The following HDAC2 variants were observed in gnomAD, a reference collection of about 807,000 sequenced individuals.
HDAC2 encodes histone deacetylase 2.
HDAC2 carries 5 observed loss-of-function variants against 68.5 expected under a neutral mutation model. The observed-to-expected ratio is 0.07, with a 90% CI of 0.04 to 0.15. The LOEUF (loss-of-function observed/expected upper bound fraction) is 0.15. Ranked by LOEUF, HDAC2 falls within the 10% of genes least tolerant of loss-of-function variation. HDAC2 has a pLI of 1.00. For missense variants in HDAC2, 291 were observed against 600.8 expected (o/e 0.48, Z 5.39); for synonymous variants, 182 against 191.3 (o/e 0.95, Z 0.40).
chr6:113,946,448 A>T (rs1176070967), intron 8 of HDAC2: 1 of 179,744 alleles, frequency 5.6e-6, no homozygotes, highest in Non-Finnish European at 1.2e-5. Flanking sequence ...TTTTATTAAC[A>T]CAGAAAGATG....
intron 3 of HDAC2, 90 bp downstream of exon 3, chr6:113,958,559 G>A (rs1158768616): frequency 1.5e-6 from 1 of 683,534 alleles, no homozygotes; most frequent in Non-Finnish European, 2.5e-6. Context: ...AGACCAACAG[G>A]AAAAATATTC....
intron 8 of HDAC2, chr6:113,947,146 TA>T (rs1376296746): frequency 6.6e-6 from 1 of 152,174 alleles, no homozygotes; most frequent in African/African-American, 2.4e-5. Context: ...ACCATTTGGA[TA>T]TTTTTAAAGA....
Position 113,944,336 on chromosome 6 carries a change from G to A in HDAC2, c.1166C>T (p.Ala389Val), listed in dbSNP as rs1473868929. The A allele has an allele frequency of 1.2e-6, 2 of 1,612,254 alleles. No individual in the cohort carries two copies. The highest frequency in any genetic ancestry group is 2.7e-5 in the African/African-American group (2 of 74,868). ...GVQMQAIPED[A>V]VHEDSGDEDG... ...TTCATCTCCACTGTCTTCATGAACAGCATCTTCTGGAATAGCTTGCATCTG... is the reference window on the plus strand; with the variant it reads ...TTCATCTCCACTGTCTTCATGAACAACATCTTCTGGAATAGCTTGCATCTG... The change falls in exon 11 of 14, where the codon GCT becomes GTT. Residue 389 changes from alanine to valine, a missense_variant. By Grantham distance (64) the Ala-to-Val change is moderately conservative. This residue lies in a region of HDAC2 where 137 missense variants were observed against 128.7 expected (regional missense o/e 1.06). Coordinates refer to ENST00000519065, the MANE Select transcript of HDAC2 (RefSeq NM_001527.4).
chr6:113,951,332 G>C (rs1188714589), intron 6 of HDAC2, among the ~76,000 whole-genome samples: 1 of 152,130 alleles, frequency 6.6e-6, no homozygotes, highest in Non-Finnish European at 1.5e-5. Flanking sequence ...AACATCCAAA[G>C]ATACACGTGA....
At chr6:113,962,944 A>G (rs909951095) in intron 1 of HDAC2, among the ~76,000 whole-genome samples, 3 of 147,998 alleles carry the variant, frequency 2.0e-5, no homozygotes, top group Non-Finnish European at 3.0e-5. Flanking sequence ...AGCCTGGGTG[A>G]CAGAGCGAGA....
chr6:113,970,415 A>G, intron 1 of HDAC2: 1 of 1,003,374 alleles, frequency 1.0e-6, no homozygotes. Flanking sequence ...CAAGGCCGGG[A>G]TAGAAATTTT....
chr6:113,945,412 A>G lies in HDAC2; in HGVS notation c.1041T>C (p.Ser347=). Residue 347 remains serine, a synonymous_variant, in exon 10 of 14, where the codon AGT becomes AGC. Transcript: ENST00000519065. ...YFGPDFKLHI[S]PSNMTNQNTP... is the part of the protein sequence containing the mutation. ...TGTTCTGGTTTGTCATGTTTGAAGG[A>G]CTAATATGCAGTTTGAAGTCTGGTC... 6.4e-7 allele frequency: 1 copy of G among 1,567,558 alleles called. No individual in the cohort carries two copies. The highest frequency in any genetic ancestry group is 1.7e-5 in the Admixed American group (1 of 59,902).
At chr6:113,957,866 C>T (rs1323961116) in intron 3 of HDAC2, among the ~76,000 whole-genome samples, 1 of 151,800 alleles carries the variant, frequency 6.6e-6, no homozygotes, top group African/African-American at 2.4e-5. Flanking sequence ...AAGGGCTACT[C>T]ATGCCTCTTT....
At chr6:113,952,455 G>A (rs1176923403) in intron 6 of HDAC2, among the ~76,000 whole-genome samples, 2 of 152,136 alleles carry the variant, frequency 1.3e-5, no homozygotes, top group African/African-American at 2.4e-5. Flanking sequence ...ATACTTTATG[G>A]CAACTCTTTA....
At chr6:113,944,572 A>C (rs1776225306) in intron 10 of HDAC2, among the ~76,000 whole-genome samples, 162 bp from the exon 11 acceptor site, 1 of 152,162 alleles carries the variant, frequency 6.6e-6, no homozygotes, top group African/African-American at 2.4e-5. Flanking sequence ...TGGCAAGATC[A>C]TAGCTCACTG....
In HDAC2 at chr6:113,936,198, A is replaced by G. The variant is rs1312750703; in HGVS notation, c.*4860T>C. ...GTTTTTAATCCAATATTGCATTCAA[A>G]AAGAATCTGTTAATACATGTTGCTC... On this transcript the variant is annotated 3_prime_UTR_variant, in exon 14 of 14. Coordinates refer to ENST00000519065, the MANE Select transcript of HDAC2 (RefSeq NM_001527.4). The G allele has an allele frequency of 2.0e-5, 3 of 152,198 alleles. No homozygotes were observed. The highest frequency in any genetic ancestry group is 7.2e-5 in the African/African-American group (3 of 41,458). 9.4% of individuals were successfully genotyped at this position (152,198 alleles called of 1,614,324 possible).
rs1775946870 is a variant in HDAC2 at position 113,934,028 on chromosome 6, A to C, written c.*7030T>G. On this transcript the variant is annotated 3_prime_UTR_variant, in exon 14 of 14. Transcript: ENST00000519065. Reference sequence around the variant, plus strand: ...ACAATCAACTGACTTAAAACTTTAAAAAACTGAATTTCTACGGGTAAATGT... The same window carrying C: ...ACAATCAACTGACTTAAAACTTTAACAAACTGAATTTCTACGGGTAAATGT... The C allele has an allele frequency of 6.6e-6, 1 of 152,130 alleles. No homozygotes were observed. Among genetic ancestry groups the C allele is most frequent in the African/African-American group, 2.4e-5 (1 of 41,426 alleles). 9.4% of individuals were successfully genotyped at this position (152,130 alleles called of 1,614,324 possible). A position where few individuals can be genotyped will look rare whatever the true frequency, so the allele number is the denominator to read the frequency against.
rs1220749211 is a variant in HDAC2 at position 113,956,158 on chromosome 6, A to G, written c.359-7T>C. On this transcript the variant is annotated splice_polypyrimidine_tract_variant and splice_region_variant and intron_variant, in intron 4 of 13. Transcript: ENST00000519065. ...TTTAACTTCACAGCTCCAGCTAAGA[A>G]GTAGAAACAAGATAGACCTTTTAAA... 1 of 1,594,716 alleles carries G rather than the reference A, an allele frequency of 6.3e-7. No homozygotes were observed. Among genetic ancestry groups the G allele is most frequent in the South Asian group, 1.1e-5 (1 of 86,958 alleles).
chr6:113,971,107 T>A lies in HDAC2; in HGVS notation c.-199A>T. On this transcript the variant is annotated 5_prime_UTR_variant, in exon 1 of 14. Coordinates refer to ENST00000519065, the MANE Select transcript of HDAC2 (RefSeq NM_001527.4). ...ACCACCCGGCAGAGGTGCCGAAAGCTCGGAATCGGAGGTGGCAGCGGCACC... is the reference window on the plus strand; with the variant it reads ...ACCACCCGGCAGAGGTGCCGAAAGCACGGAATCGGAGGTGGCAGCGGCACC... 1 of 1,540,684 alleles carries A rather than the reference T, an allele frequency of 6.5e-7. No homozygotes were observed. Among genetic ancestry groups the A allele is most frequent in the South Asian group, 1.2e-5 (1 of 83,970 alleles).
intron 1 of HDAC2, among the ~76,000 whole-genome samples, chr6:113,967,853 G>C (rs916273178): frequency 2.0e-5 from 3 of 152,168 alleles, no homozygotes; most frequent in Admixed American, 2.0e-4. Flanking sequence ...TATAAAGAAG[G>C]AACATGATTC....
chr6:113,935,183 C>A lies in HDAC2; in HGVS notation c.*5875G>T, dbSNP rs191602. 6.6e-6 allele frequency: 1 copy of A among 152,150 alleles called. No individual in the cohort carries two copies. Among genetic ancestry groups the A allele is most frequent in the African/African-American group, 2.4e-5 (1 of 41,438 alleles). 9.4% of individuals were successfully genotyped at this position (152,150 alleles called of 1,614,324 possible). On this transcript the variant is annotated 3_prime_UTR_variant, in exon 14 of 14. Coordinates refer to ENST00000519065, the MANE Select transcript of HDAC2 (RefSeq NM_001527.4). ...AAAGGCAACACAAGTTCAAACTTTC[C>A]GGCTAGACTTCAGAATAAGAAAATT...
At chr6:113,966,530 T>C (rs1266222926) in intron 1 of HDAC2, among the ~76,000 whole-genome samples, 1 of 142,148 alleles carries the variant, frequency 7.0e-6, no homozygotes, top group Admixed American at 7.4e-5. Context: ...CACTCCAGCC[T>C]GGGCAATAAG....
chr6:113,945,417 T>C lies in HDAC2; in HGVS notation c.1036A>G (p.Ile346Val), dbSNP rs1776245646. Residue 346 changes from isoleucine (I) to valine (V), a missense_variant, in exon 10 of 14, where the codon ATT (isoleucine) becomes GTT (valine). Ile to Val is a conservative substitution (Grantham distance 29). Around this residue, in one of 2 missense-constraint regions of HDAC2, gnomAD observed 154 missense variants for 472.1 expected, o/e 0.33. Transcript: ENST00000519065. Reference protein sequence around the residue: ...EYFGPDFKLHISPSNMTNQNT... With the variant: ...EYFGPDFKLHVSPSNMTNQNT... Reference sequence around the variant, plus strand: ...TGGTTTGTCATGTTTGAAGGACTAATATGCAGTTTGAAGTCTGGTCCAAAA... The same window carrying C: ...TGGTTTGTCATGTTTGAAGGACTAACATGCAGTTTGAAGTCTGGTCCAAAA... The C allele has an allele frequency of 1.9e-6, 3 of 1,569,630 alleles. No homozygotes were observed. Among genetic ancestry groups the C allele is most frequent in the East Asian group, 2.2e-5 (1 of 44,564 alleles).
chr6:113,971,048 GGGA>G lies in HDAC2; in HGVS notation c.-143_-141del. The G allele has an allele frequency of 6.4e-7, 1 of 1,566,892 alleles. No individual in the cohort carries two copies. Among genetic ancestry groups the G allele is most frequent in the South Asian group, 1.2e-5 (1 of 86,152 alleles). ...GTCCCGCGGGGAAGGGCAGGCCGGT[GGGA>G]GGAGAGGAGGGGGCGCCGGGAAGGC... On this transcript the variant is annotated 5_prime_UTR_variant, in exon 1 of 14. Coordinates refer to ENST00000519065, the MANE Select transcript of HDAC2 (RefSeq NM_001527.4).
Sources: gnomAD v4.1 joint callset for allele counts (sites outside exome capture counted in the v4.1 genomes callset) on GRCh38, gnomAD v4.1.1 for gene constraint, gnomAD v4.1.1 regional missense constraint, MANE v1.5 for transcripts, NCBI Gene and HGNC (gene_info 2026-07-23, HGNC 2026-07-21) for gene names.